Variants in HADHA observed in about 807,000 individuals in gnomAD.
HADHA encodes the protein trifunctional enzyme subunit alpha, mitochondrial.
HADHA carries 59 observed loss-of-function variants against 91.3 expected under a neutral mutation model. The observed-to-expected ratio is 0.65, with a 90% CI of 0.52 to 0.80. The LOEUF (loss-of-function observed/expected upper bound fraction) is 0.80. Among genes scored for constraint, HADHA ranks in the 30% least tolerant of loss-of-function variants. The pLI is 0.00. For synonymous variants in HADHA, 320 were observed against 338.9 expected (o/e 0.94, Z 0.61); for missense variants, 800 against 927.6 (o/e 0.86, Z 1.79).
Position 26,231,103 on chromosome 2 carries a change from GA to G in HADHA, c.574-810del, listed in dbSNP as rs573978955. On this transcript the variant is annotated intron_variant, in intron 6 of 19. Transcript: ENST00000380649. ...CATTCAAATACCAGCTATAGTTTAA[GA>G]AAAAAAAAAGAAGAAAGAAAGAAAC... is the stretch of plus-strand genomic sequence containing the variant. Among the ~76,000 whole-genome samples the G allele has an allele frequency of 3.5e-5, 5 of 143,916 alleles. No homozygotes were observed. The East Asian group carries it at 6.0e-4, about 17-fold the overall frequency. 94.4% of individuals were successfully genotyped at this position (143,916 alleles called of 152,430 possible).
intron 17 of HADHA, 118 bp downstream of exon 17, chr2:26,193,459 A>C (rs900341481): frequency 3.8e-4 from 338 of 882,540 alleles, no homozygotes; most frequent in Non-Finnish European, 1.1e-4. Flanking sequence ...CGCCAGTGAT[A>C]AGGGCTCTGT....
At chr2:26,237,121 A>C in intron 3 of HADHA, 133 bp from the exon 4 acceptor site, 1 of 765,938 alleles carries the variant, frequency 1.3e-6, no homozygotes. Flanking sequence ...GAGAGTAAGA[A>C]ATATCATTCT....
Position 26,201,218 on chromosome 2 carries a change from G to A in HADHA, c.1323C>T (p.Ala441=), listed in dbSNP as rs1288347890. Residue 441 remains alanine (A), a synonymous_variant, in exon 13 of 20, where the codon GCC becomes GCT. Coordinates refer to ENST00000380649, the MANE Select transcript of HADHA (RefSeq NM_000182.5). ...GQLDYQGFEK[A]DMVIEAVFED... is the part of the protein sequence containing the mutation. ...CAAACACAGCTTCAATCACCATGTCGGCCTTTTCAAAACCTTGGTAATCAA... is the reference window on the plus strand; with the variant it reads ...CAAACACAGCTTCAATCACCATGTCAGCCTTTTCAAAACCTTGGTAATCAA... 6 of 1,613,474 alleles carry A rather than the reference G, an allele frequency of 3.7e-6. No homozygotes were observed. The highest frequency in any genetic ancestry group is 1.7e-4 in the Middle Eastern group (1 of 6,060).
chr2:26,233,917 C>T (rs1670684556), intron 5 of HADHA, among the ~76,000 whole-genome samples: 1 of 152,070 alleles, frequency 6.6e-6, no homozygotes, highest in Non-Finnish European at 1.5e-5. Context: ...CCCATCTCTA[C>T]TAAAAATACA....
chr2:26,192,222 A>AAC, intron 18 of HADHA, 88 bp downstream of exon 18: 1 of 714,916 alleles, frequency 1.4e-6, no homozygotes, highest in South Asian at 1.6e-5. Flanking sequence ...AAAGTATTAA[A>AAC]AAAAAAAAAA....
chr2:26,212,241 C>G (rs1046249144), intron 10 of HADHA: 5 of 360,298 alleles, frequency 1.4e-5, no homozygotes, highest in Non-Finnish European at 2.1e-5. Flanking sequence ...TGCATGCCAC[C>G]ATGCCTGGCT....
chr2:26,200,421 G>A (rs1414800548), intron 13 of HADHA, among the ~76,000 whole-genome samples: 2 of 152,172 alleles, frequency 1.3e-5, no homozygotes, highest in African/African-American at 2.4e-5. Flanking sequence ...ATCTCAAGAA[G>A]TGCCTATGGA....
At chr2:26,212,343 TC>T in intron 10 of HADHA, 1 of 536,262 alleles carries the variant, frequency 1.9e-6, no homozygotes. Context: ...CACCTCGGCC[TC>T]CCAGAATGTT....
At chr2:26,197,284 C>G (rs1474825162) in intron 14 of HADHA, among the ~76,000 whole-genome samples, 1 of 152,176 alleles carries the variant, frequency 6.6e-6, no homozygotes, top group Non-Finnish European at 1.5e-5. Context: ...TAAGCAAACC[C>G]ACGGGCAGAC....
chr2:26,228,737 T>A (rs984800495), intron 7 of HADHA, among the ~76,000 whole-genome samples: 1 of 152,200 alleles, frequency 6.6e-6, no homozygotes, highest in African/African-American at 2.4e-5. Context: ...AGTGGTGTGA[T>A]CATAGCTCAC....
At position 26,209,769 on chromosome 2, in the gene HADHA, G is replaced by A. The variant is rs1328886979; in HGVS notation, c.1085+11C>T. 3 of 1,337,670 alleles carry A rather than the reference G, an allele frequency of 2.2e-6. No homozygotes were observed. The highest frequency in any genetic ancestry group is 3.2e-6 in the Non-Finnish European group (3 of 927,966). The allele number at this position is 1,337,670 out of a possible 1,614,324, so 82.9% of individuals were successfully genotyped here. On this transcript the variant is annotated intron_variant, in intron 11 of 19. Transcript: ENST00000380649. The stretch of plus-strand genomic sequence containing the variant: ...AATTCACAAGGGCTTCCTACGTAGA[G>A]TTTAACTTACTTAACATCCTTCTGT...
chr2:26,238,818 CA>C, intron 3 of HADHA, 115 bp downstream of exon 3: 1 of 777,988 alleles, frequency 1.3e-6, no homozygotes, highest in Non-Finnish European at 2.3e-6. Flanking sequence ...ACTGTAAATT[CA>C]TGTAAGATTA....
At position 26,229,439 on chromosome 2, in the gene HADHA, A is replaced by C. The variant is rs775614497; in HGVS notation, c.676+753T>G. Among the ~76,000 whole-genome samples the C allele has an allele frequency of 1.3e-5, 2 of 152,096 alleles. No homozygotes were observed. The highest frequency in any genetic ancestry group is 2.9e-5 in the Non-Finnish European group (2 of 68,030). Reference sequence around the variant, plus strand: ...AATGCTGATTTTCAATAAATATAAGAGGGTAATGAACACACAAGTCAGAAT... The same window carrying C: ...AATGCTGATTTTCAATAAATATAAGCGGGTAATGAACACACAAGTCAGAAT... On this transcript the variant is annotated intron_variant, in intron 7 of 19. Transcript: ENST00000380649. The surrounding 1 kb of genome is among the most constrained non-coding windows in gnomAD (Gnocchi z 4.3).
chr2:26,191,529 T>C lies in HADHA; in HGVS notation c.2100A>G (p.Gly700=). 3 of 1,614,100 alleles carry C rather than the reference T, an allele frequency of 1.9e-6. No individual in the cohort carries two copies. The highest frequency in any genetic ancestry group is 2.2e-5 in the East Asian group (1 of 44,870). The change falls in exon 19 of 20, where the codon GGA becomes GGG. Residue 700 remains glycine, a synonymous_variant. Transcript: ENST00000380649. ...QEGILATPAE[G]DIGAVFGLGF... is the part of the protein sequence containing the mutation. ...CAAGCCCAAAGACGGCTCCGATGTC[T>C]CCCTCTGCAGGTGTGGCCAAGATCC... is the stretch of plus-strand genomic sequence containing the variant.
chr2:26,237,059 G>T, intron 3 of HADHA, 71 bp from the exon 4 acceptor site: 1 of 1,042,492 alleles, frequency 9.6e-7, no homozygotes, highest in Non-Finnish European at 1.5e-6. Flanking sequence ...ACCATCAAAT[G>T]CTATTTTGAT....
rs1669628423 is a variant in HADHA at position 26,195,102 on chromosome 2, A to G, written c.1610T>C (p.Ile537Thr). 1 of 1,613,288 alleles carries G rather than the reference A, an allele frequency of 6.2e-7. No homozygotes were observed. The highest frequency in any genetic ancestry group is 1.1e-5 in the South Asian group (1 of 91,030). ...AVGLKQGKVI[I>T]VVKDGPGFYT... ...TATACAGCCCCTTACCTTAACCACA[A>G]TGATGACCTTCCCCTGCTTGAGACC... Residue 537 changes from isoleucine (I) to threonine (T), a missense_variant, in exon 15 of 20, where the codon ATT becomes ACT. Ile to Thr is a moderately conservative substitution (Grantham distance 89, BLOSUM62 -1). Transcript: ENST00000380649.
At position 26,191,140 on chromosome 2, in the gene HADHA, C is replaced by T. The variant is rs952439873; in HGVS notation, c.*110G>A. On this transcript the variant is annotated 3_prime_UTR_variant, in exon 20 of 20. Transcript: ENST00000380649. ...TTTAATCAGGGAGCAAACCCAGTGC[C>T]GGAGTTTGTCTTCTCGTTACTCTGA... 90 of 1,106,864 alleles carry T rather than the reference C, an allele frequency of 8.1e-5. No individual in the cohort carries two copies. Among genetic ancestry groups the T allele is most frequent in the Non-Finnish European group, 1.0e-4 (76 of 734,444 alleles). 68.6% of individuals were successfully genotyped at this position (1,106,864 alleles called of 1,614,324 possible). A position where few individuals can be genotyped will look rare whatever the true frequency, so the allele number is the denominator to read the frequency against.
At chr2:26,203,486 T>C (rs1014550143) in intron 12 of HADHA, among the ~76,000 whole-genome samples, 1 of 152,166 alleles carries the variant, frequency 6.6e-6, no homozygotes, top group African/African-American at 2.4e-5. Context: ...CTTTATTAAT[T>C]CAGAGGTAAG....
chr2:26,241,153 C>T lies in HADHA; in HGVS notation c.68-2010G>A, dbSNP rs532386221. On this transcript the variant is annotated intron_variant, in intron 1 of 19. Transcript: ENST00000380649. The stretch of plus-strand genomic sequence containing the variant: ...TTTTAATCATCTTTGTAATGTAACC[C>T]AAGAATAACTACAAAACCTCATAAG... 2.0e-4 allele frequency among the ~76,000 whole-genome samples: 31 copies of T among 152,196 alleles called. 1 individual carries two copies. In the South Asian group the frequency reaches 5.8e-3, roughly 29 times the overall value.
Sources: allele counts gnomAD v4.1 joint callset (sites outside exome capture counted in the v4.1 genomes callset), GRCh38; gene constraint gnomAD v4.1.1; non-coding constraint Gnocchi (gnomAD v3.1); transcripts MANE v1.5; gene names NCBI Gene and HGNC (gene_info 2026-07-23, HGNC 2026-07-21).